The following KCNB2 variants were observed in gnomAD, a reference collection of about 807,000 sequenced individuals.
The protein encoded by KCNB2 is delayed rectifier potassium channel protein.
KCNB2 carries 15 observed loss-of-function variants against 61.5 expected under a neutral mutation model. The ratio of observed to expected loss-of-function variants is 0.24; its 90% CI spans 0.16 to 0.38. The LOEUF (loss-of-function observed/expected upper bound fraction) is 0.38, where lower values mean the gene tolerates loss of function less well. Ranked by LOEUF, KCNB2 falls within the 10% of genes least tolerant of loss-of-function variation. The pLI is 1.00. For synonymous variants in KCNB2, 457 were observed against 446.0 expected (o/e 1.02, Z -0.31); for missense variants, 828 against 1,125.2 (o/e 0.74, Z 3.78).
intron 2 of KCNB2, among the ~76,000 whole-genome samples, chr8:72,625,927 T>G (rs183905831): frequency 1.7e-4 from 26 of 152,124 alleles, no homozygotes; most frequent in Non-Finnish European, 2.9e-4. Context: ...TGAGATACAG[T>G]ATATCTCACT....
intron 2 of KCNB2, among the ~76,000 whole-genome samples, chr8:72,752,932 T>G (rs1808223376): frequency 6.6e-6 from 1 of 152,216 alleles, no homozygotes; most frequent in Non-Finnish European, 1.5e-5. Flanking sequence ...TTTGCTTCCT[T>G]CTGGAATATC....
At chr8:72,811,991 A>G (rs1381993270) in intron 2 of KCNB2, among the ~76,000 whole-genome samples, 1 of 152,146 alleles carries the variant, frequency 6.6e-6, no homozygotes, top group Non-Finnish European at 1.5e-5. Flanking sequence ...GCTGGGCACC[A>G]TGGCTCACGC....
intron 2 of KCNB2, among the ~76,000 whole-genome samples, chr8:72,909,870 G>T (rs911953721): frequency 6.6e-6 from 1 of 152,140 alleles, no homozygotes; most frequent in Non-Finnish European, 1.5e-5. Context: ...AATAGATTTA[G>T]TGCCAGAGGA....
At chr8:72,621,197 G>A (rs1028506756) in intron 2 of KCNB2, among the ~76,000 whole-genome samples, 1 of 152,158 alleles carries the variant, frequency 6.6e-6, no homozygotes, top group Non-Finnish European at 1.5e-5. Context: ...TTTCTGACCT[G>A]TATATTTTTA....
At chr8:72,754,068 G>T (rs2128995918) in intron 2 of KCNB2, among the ~76,000 whole-genome samples, 1 of 152,186 alleles carries the variant, frequency 6.6e-6, no homozygotes, top group Admixed American at 6.5e-5. Context: ...CAAGAGCTTG[G>T]CCTGGAACTC....
At chr8:72,816,142 C>T (rs980804865) in intron 2 of KCNB2, among the ~76,000 whole-genome samples, 4 of 152,040 alleles carry the variant, frequency 2.6e-5, no homozygotes, top group East Asian at 3.9e-4. Flanking sequence ...TAGCATGGAT[C>T]GTACTAAAAT....
chr8:72,907,216 G>A (rs1001986668), intron 2 of KCNB2, among the ~76,000 whole-genome samples: 2 of 152,096 alleles, frequency 1.3e-5, no homozygotes, highest in Non-Finnish European at 2.9e-5. Context: ...AATTAGCTGG[G>A]CATGGTGGCA....
intron 2 of KCNB2, among the ~76,000 whole-genome samples, chr8:72,572,576 C>A (rs1271348384): frequency 6.6e-6 from 1 of 151,486 alleles, no homozygotes; most frequent in Non-Finnish European, 1.5e-5. Context: ...CTCTGCGTCT[C>A]TCTCTCTCTC....
rs1585945264 is a variant in KCNB2 at position 72,871,531 on chromosome 8, T to C, written c.580-64404T>C. On this transcript the variant is annotated intron_variant, in intron 2 of 2. Transcript: ENST00000523207. ...CAGGCTTCTGCAAGATACACATTAC[T>C]TGTAGTTTTGTATCCCCAGCATTTC... is the stretch of plus-strand genomic sequence containing the variant. Among the ~76,000 whole-genome samples the C allele has an allele frequency of 3.9e-5, 6 of 152,374 alleles. 1 individual carries two copies. The highest frequency in any genetic ancestry group is 3.9e-4 in the Admixed American group (6 of 15,310).
In KCNB2 at chr8:72,645,527, A is replaced by G. The variant is rs369385408; in HGVS notation, c.579+77214A>G. Among the ~76,000 whole-genome samples the G allele has an allele frequency of 5.3e-5, 8 of 152,248 alleles. No individual in the cohort carries two copies. In the East Asian group the frequency reaches 1.4e-3, roughly 26 times the overall value. On this transcript the variant is annotated intron_variant, in intron 2 of 2. Transcript: ENST00000523207. ...CAGACCCAGAGACAGTATTATATATAGTTCACTTTTATTCACTTGGCTTAG... is the reference window on the plus strand; with the variant it reads ...CAGACCCAGAGACAGTATTATATATGGTTCACTTTTATTCACTTGGCTTAG...
intron 2 of KCNB2, among the ~76,000 whole-genome samples, chr8:72,930,034 G>A (rs1806745593): frequency 6.9e-6 from 1 of 144,450 alleles, no homozygotes; most frequent in Non-Finnish European, 1.5e-5. Flanking sequence ...CCACCTATGA[G>A]TGAAAACATG....
At chr8:72,847,395 G>GC (rs2129003045) in intron 2 of KCNB2, among the ~76,000 whole-genome samples, 1 of 152,292 alleles carries the variant, frequency 6.6e-6, no homozygotes, top group Admixed American at 6.5e-5. Context: ...GGCCAACCTT[G>GC]CAGGCTTTTC....
rs562988053 is a variant in KCNB2, at chr8:72,636,168, A to G, written c.579+67855A>G. Among the ~76,000 whole-genome samples the G allele has an allele frequency of 1.8e-4, 28 of 152,308 alleles. 1 individual carries two copies. In the South Asian group the frequency reaches 5.8e-3, roughly 32 times the overall value. ...CTGACTTTTTCATAGATTTAGGTCT[A>G]TCCCAGTGTCTCTGAAATTCTTTGT... On this transcript the variant is annotated intron_variant, in intron 2 of 2. Transcript: ENST00000523207.
At position 72,715,613 on chromosome 8, in the gene KCNB2, C is replaced by T. The variant is rs187210016; in HGVS notation, c.579+147300C>T. ...AAATAAAGATGTTCTTTGAAACCAA[C>T]GAGAACAAAGACACAACATACCAGA... On this transcript the variant is annotated intron_variant, in intron 2 of 2. Transcript: ENST00000523207. Among the ~76,000 whole-genome samples the T allele has an allele frequency of 1.9e-3, 288 of 149,768 alleles. 6 individuals carry two copies. The East Asian group carries it at 0.049, about 25-fold the overall frequency.
Position 72,865,072 on chromosome 8 carries a change from T to G in KCNB2, c.580-70863T>G, listed in dbSNP as rs151186641. Among the ~76,000 whole-genome samples, 587 of 152,312 alleles carry G rather than the reference T, an allele frequency of 3.9e-3. 7 individuals are homozygous for G. The highest frequency in any genetic ancestry group is 0.013 in the African/African-American group (553 of 41,562). ...TCTCCTGGGAGAGGCCTTTGGTCTC[T>G]TCCCAGAATTATTGCAACAGGCTCC... is the stretch of plus-strand genomic sequence containing the variant. On this transcript the variant is annotated intron_variant, in intron 2 of 2. Coordinates refer to ENST00000523207, the MANE Select transcript of KCNB2 (RefSeq NM_004770.3).
chr8:72,608,957 A>G (rs1805497403), intron 2 of KCNB2, among the ~76,000 whole-genome samples: 1 of 152,224 alleles, frequency 6.6e-6, no homozygotes, highest in South Asian at 2.1e-4. Flanking sequence ...TTACTTGATA[A>G]CAATTTAGTG....
chr8:72,705,973 G>A (rs1456449971), intron 2 of KCNB2, among the ~76,000 whole-genome samples: 1 of 152,218 alleles, frequency 6.6e-6, no homozygotes, highest in Non-Finnish European at 1.5e-5. Flanking sequence ...TATATGGAGA[G>A]TTGGTTACAG....
chr8:72,719,701 A>G (rs1807515231), intron 2 of KCNB2, among the ~76,000 whole-genome samples: 1 of 152,002 alleles, frequency 6.6e-6, no homozygotes, highest in Non-Finnish European at 1.5e-5. Flanking sequence ...CTGCTCCCTC[A>G]CCATCTACCA....
At chr8:72,935,753 T>C (rs1285092058) in intron 2 of KCNB2, among the ~76,000 whole-genome samples, 182 bp from the exon 3 acceptor site, 1 of 152,206 alleles carries the variant, frequency 6.6e-6, no homozygotes, top group Non-Finnish European at 1.5e-5. Context: ...AAATATACAT[T>C]AGGCTTCTAA....
Sources: allele counts gnomAD v4.1 joint callset (sites outside exome capture counted in the v4.1 genomes callset), GRCh38; gene constraint gnomAD v4.1.1; transcripts MANE v1.5; gene names NCBI Gene and HGNC (gene_info 2026-07-23, HGNC 2026-07-21).